GXYLT1: variants seen among roughly 807,000 people sequenced by gnomAD.
GXYLT1 encodes the protein glycosyltransferase 8 domain containing 3.
GXYLT1 carries 29 observed loss-of-function variants against 54.0 expected under a neutral mutation model. The ratio of observed to expected loss-of-function variants is 0.54; its 90% CI spans 0.40 to 0.73. GXYLT1 has a LOEUF of 0.73. GXYLT1 is among the 30% of genes least tolerant of loss of function. The pLI is 0.00. For synonymous variants in GXYLT1, 176 were observed against 204.1 expected, an observed-to-expected ratio of 0.86 and a Z score of 1.17; for missense variants, 490 against 553.4, an observed-to-expected ratio of 0.89 and a Z score of 1.15.
At chr12:42,112,407 G>A (rs1452337208) in intron 3 of GXYLT1, among the ~76,000 whole-genome samples, 3 of 152,168 alleles carry the variant, frequency 2.0e-5, no homozygotes, top group Admixed American at 1.3e-4. Context: ...AAAATTAGAT[G>A]AATGGATAAA....
intron 7 of GXYLT1, among the ~76,000 whole-genome samples, chr12:42,097,166 GT>G (rs2065360119): frequency 6.6e-6 from 1 of 150,742 alleles, no homozygotes; most frequent in Admixed American, 6.6e-5. Flanking sequence ...CTTATTCTTA[GT>G]TTAAAAAAAA....
rs118022281 is a variant in GXYLT1, at chr12:42,144,728, C to G, written c.-82G>C. On this transcript the variant is annotated 5_prime_UTR_variant, in exon 1 of 8. Transcript: ENST00000398675. ...AGCGGAGGGAGGGGCACCGCGCAGC[C>G]GCGGGCGCAACAAGTTCCTCACCCG... 173,941 of 1,115,878 alleles carry G rather than the reference C, an allele frequency of 0.16. 14,588 individuals are homozygous for G. The highest frequency in any genetic ancestry group is 0.22 in the South Asian group (9,594 of 43,174). The allele number at this position is 1,115,878 out of a possible 1,614,324, so 69.1% of individuals were successfully genotyped here.
At chr12:42,126,485 T>C (rs949883848) in intron 2 of GXYLT1, among the ~76,000 whole-genome samples, 1 of 152,260 alleles carries the variant, frequency 6.6e-6, no homozygotes, top group East Asian at 1.9e-4. Context: ...CCAGGCACAG[T>C]GGCTCATGTC....
intron 2 of GXYLT1, among the ~76,000 whole-genome samples, chr12:42,120,922 G>GT: frequency 6.6e-6 from 1 of 152,076 alleles, no homozygotes; most frequent in East Asian, 1.9e-4. Context: ...TGTACCCTCT[G>GT]TCCTTTGCCC....
intron 5 of GXYLT1, among the ~76,000 whole-genome samples, chr12:42,099,380 T>C (rs1478316905): frequency 6.6e-6 from 1 of 152,218 alleles, no homozygotes; most frequent in South Asian, 2.1e-4. Context: ...TCAGCCAAAT[T>C]AACTATATAT....
intron 3 of GXYLT1, among the ~76,000 whole-genome samples, chr12:42,109,992 C>A (rs7297464): frequency 0.51 from 78,062 of 152,012 alleles, 20,484 homozygotes; most frequent in South Asian, 0.69. Flanking sequence ...TCAACTTTAC[C>A]TAATGTGTAA....
chr12:42,113,726 A>G (rs1349812991), intron 3 of GXYLT1, among the ~76,000 whole-genome samples: 1 of 151,110 alleles, frequency 6.6e-6, no homozygotes, highest in East Asian at 1.9e-4. Context: ...TCAACGAGAC[A>G]GAAAGTTAAC....
In GXYLT1 at chr12:42,109,017, G is replaced by A. The variant is rs1032237687; in HGVS notation, c.612+549C>T. Among the ~76,000 whole-genome samples the A allele has an allele frequency of 2.6e-4, 39 of 152,114 alleles. 1 individual carries two copies. Among genetic ancestry groups the A allele is most frequent in the African/African-American group, 8.4e-4 (35 of 41,496 alleles). ...ATATAAAAAAGAAAAAAAAATCAAG[G>A]TTTATCATAGAACATTACCAAAGAA... On this transcript the variant is annotated intron_variant, in intron 4 of 7. Coordinates refer to ENST00000398675, the MANE Select transcript of GXYLT1 (RefSeq NM_173601.2).
At chr12:42,113,239 C>G (rs1290851375) in intron 3 of GXYLT1, among the ~76,000 whole-genome samples, 1 of 151,056 alleles carries the variant, frequency 6.6e-6, no homozygotes, top group Non-Finnish European at 1.5e-5. Flanking sequence ...AGCAAAATAA[C>G]CAGCTAACAT....
At chr12:42,116,291 C>A (rs1049940444) in intron 3 of GXYLT1, among the ~76,000 whole-genome samples, 28 of 152,108 alleles carry the variant, frequency 1.8e-4, no homozygotes, top group East Asian at 9.7e-4. Flanking sequence ...GGATCTAATT[C>A]AACTAAAGAG....
chr12:42,099,502 G>C (rs2065377298), intron 5 of GXYLT1, among the ~76,000 whole-genome samples: 1 of 152,050 alleles, frequency 6.6e-6, no homozygotes, highest in African/African-American at 2.4e-5. Flanking sequence ...TCTTTCATTT[G>C]TCTAATATGG....
At chr12:42,120,476 C>T (rs750556454) in intron 2 of GXYLT1, among the ~76,000 whole-genome samples, 9 of 152,180 alleles carry the variant, frequency 5.9e-5, no homozygotes, top group Non-Finnish European at 7.3e-5. Flanking sequence ...CCTCTTGCTT[C>T]TGCTGTGCCA....
chr12:42,104,490 C>T (rs1003113286), intron 5 of GXYLT1, among the ~76,000 whole-genome samples: 21 of 151,260 alleles, frequency 1.4e-4, no homozygotes, highest in African/African-American at 5.1e-4. Context: ...CTTATTAATG[C>T]AATCAGTTGT....
intron 2 of GXYLT1, among the ~76,000 whole-genome samples, chr12:42,128,208 A>G (rs1427459649): frequency 6.6e-6 from 1 of 152,214 alleles, no homozygotes. Flanking sequence ...GTGTCTACAG[A>G]TAATTATGTT....
chr12:42,132,990 T>G (rs1233890228), intron 1 of GXYLT1, among the ~76,000 whole-genome samples: 1 of 152,088 alleles, frequency 6.6e-6, no homozygotes, highest in Non-Finnish European at 1.5e-5. Context: ...CTTCTATTAA[T>G]AAGTAGGATC....
At chr12:42,104,557 T>TAA (rs10713678) in intron 5 of GXYLT1, among the ~76,000 whole-genome samples, 4 of 145,576 alleles carry the variant, frequency 2.7e-5, no homozygotes, top group African/African-American at 7.5e-5. Flanking sequence ...AAGGGAAAGC[T>TAA]AAAAAAAAAA....
At chr12:42,138,610 C>T (rs1293063775) in intron 1 of GXYLT1, among the ~76,000 whole-genome samples, 1 of 152,102 alleles carries the variant, frequency 6.6e-6, no homozygotes, top group Admixed American at 6.6e-5. Context: ...TAAAAAGTAG[C>T]CAATCTGAAA....
intron 3 of GXYLT1, among the ~76,000 whole-genome samples, chr12:42,117,532 G>GA (rs1459468974): frequency 2.6e-5 from 4 of 151,650 alleles, no homozygotes; most frequent in Non-Finnish European, 4.4e-5. Context: ...GATTTAACCT[G>GA]AAAAAAACAT....
rs1468734086 is a variant in GXYLT1 at position 42,085,661 on chromosome 12, CTT to C, written c.*2123_*2124del. The C allele has an allele frequency of 2.6e-5, 4 of 152,172 alleles. No individual in the cohort carries two copies. Among genetic ancestry groups the C allele is most frequent in the Non-Finnish European group, 4.4e-5 (3 of 68,042 alleles). 9.4% of individuals were successfully genotyped at this position (152,172 alleles called of 1,614,324 possible). ...TGTTAAAAACGAAATCATCATGTGACTTATATTCTGTTGATTCTAACAAACCA... is the reference window on the plus strand; with the variant it reads ...TGTTAAAAACGAAATCATCATGTGACATATTCTGTTGATTCTAACAAACCA... On this transcript the variant is annotated 3_prime_UTR_variant, in exon 8 of 8. Transcript: ENST00000398675.
Sources: allele counts gnomAD v4.1 joint callset (sites outside exome capture counted in the v4.1 genomes callset), GRCh38; gene constraint gnomAD v4.1.1; transcripts MANE v1.5; gene names NCBI Gene and HGNC (gene_info 2026-07-23, HGNC 2026-07-21).